Variants in SELENOO observed in about 807,000 individuals in gnomAD.
SELENOO encodes the protein selenoprotein O.
Under a neutral mutation model 58.7 loss-of-function variants are expected in SELENOO, and 74 were observed. The ratio of observed to expected loss-of-function variants is 1.26; its 90% confidence interval spans 1.04 to 1.53. SELENOO has a LOEUF of 1.53. Ranked by LOEUF, SELENOO falls within the 40% of genes most tolerant of loss-of-function variation. The pLI is 0.00. For synonymous variants in SELENOO, 543 were observed against 453.2 expected (o/e 1.20, Z -2.52); for missense variants, 1,149 against 970.0 (o/e 1.18, Z -2.45).
chr22:50,215,695 C>T (rs779462894), intron 5 of SELENOO, 22 bp from the exon 6 acceptor site: 8 of 1,572,048 alleles, frequency 5.1e-6, no homozygotes, highest in Non-Finnish European at 6.1e-6. Context: ...GCTTCCAGCT[C>T]CCTGAGCAGC....
chr22:50,217,504 G>C lies in SELENOO; in HGVS notation c.*135G>C, dbSNP rs552589056. 16 of 1,183,742 alleles carry C rather than the reference G, an allele frequency of 1.4e-5. No homozygotes were observed. The highest frequency in any genetic ancestry group is 1.8e-5 in the Non-Finnish European group (15 of 844,324). 73.3% of individuals were successfully genotyped at this position (1,183,742 alleles called of 1,614,324 possible). A position where few individuals can be genotyped will look rare whatever the true frequency, so the allele number is the denominator to read the frequency against. ...CATGCACACCCGTCTTTCCATGATGGCAGAGACATCCAGTCAGGACCTGAC... is the reference window on the plus strand; with the variant it reads ...CATGCACACCCGTCTTTCCATGATGCCAGAGACATCCAGTCAGGACCTGAC... On this transcript the variant is annotated 3_prime_UTR_variant, in exon 9 of 9. Transcript: ENST00000380903.
intron 5 of SELENOO, among the ~76,000 whole-genome samples, chr22:50,215,389 A>G (rs926909603): frequency 2.0e-5 from 3 of 151,336 alleles, no homozygotes; most frequent in Non-Finnish European, 4.4e-5. Flanking sequence ...CAGGAGTCCC[A>G]GGACCAATGC....
At chr22:50,210,421 AGGGGGCT>A in intron 4 of SELENOO, 110 bp downstream of exon 4, 1 of 1,449,872 alleles carries the variant, frequency 6.9e-7, no homozygotes, top group African/African-American at 1.4e-5. Context: ...GGGGGAGCCG[AGGGGGCT>A]GGGGGCTGAT....
At chr22:50,216,602 TGA>T (rs888249787) in intron 6 of SELENOO, 87 bp from the exon 7 acceptor site, 125 of 1,271,188 alleles carry the variant, frequency 9.8e-5, no homozygotes, top group Middle Eastern at 5.3e-4. Context: ...AGGTGAGCCG[TGA>T]GAGCGGGCTG....
In SELENOO at chr22:50,206,460, A is replaced by G; in HGVS notation, c.698A>G (p.Asp233Gly). ...ESTVVRDVFYDGNPKYEQCTV... is the reference protein window; with the variant it reads ...ESTVVRDVFYGGNPKYEQCTV... ...ACGGTGGTGCGCGACGTGTTCTATG[A>G]TGGTAATCCCAAATATGAACAATGC... Residue 233 changes from aspartate (D) to glycine (G), a missense_variant, in exon 2 of 9, where the codon GAT becomes GGT. Transcript: ENST00000380903. 1 of 1,614,160 alleles carries G rather than the reference A, an allele frequency of 6.2e-7. No individual in the cohort carries two copies.
At chr22:50,208,856 G>T (rs746137165) in intron 3 of SELENOO, 140 bp downstream of exon 3, 5 of 781,632 alleles carry the variant, frequency 6.4e-6, no homozygotes, top group Non-Finnish European at 1.0e-5. Flanking sequence ...GCTCCTGTCC[G>T]CAAACCCCAT....
chr22:50,210,667 C>T lies in SELENOO; in HGVS notation c.1107C>T (p.Asn369=), dbSNP rs1406349630. 4 of 1,613,072 alleles carry T rather than the reference C, an allele frequency of 2.5e-6. No homozygotes were observed. The highest frequency in any genetic ancestry group is 1.7e-5 in the Admixed American group (1 of 60,024). Residue 369 remains asparagine (N), a synonymous_variant, in exon 5 of 9, where the codon AAC becomes AAT. Coordinates refer to ENST00000380903, the MANE Select transcript of SELENOO (RefSeq NM_031454.2). The part of the protein sequence containing the change: ...DPDHVCNASD[N]TGRYAYSKQP... ...ACCACGTGTGCAATGCCTCCGACAA[C>T]ACCGGCCGCTACGCGTACAGCAAGC...
chr22:50,210,084 C>G (rs1025323665), intron 3 of SELENOO, 97 bp from the exon 4 acceptor site: 4 of 1,454,096 alleles, frequency 2.8e-6, no homozygotes, highest in Non-Finnish European at 3.7e-6. Context: ...AGCCACTCAG[C>G]GAAGCACAGC....
intron 4 of SELENOO, 73 bp downstream of exon 4, chr22:50,210,384 C>G: frequency 6.4e-7 from 1 of 1,555,642 alleles, no homozygotes; most frequent in Non-Finnish European, 8.7e-7. Context: ...AACCTGCTGC[C>G]CCCAGGCACT....
At chr22:50,216,148 G>A (rs79019062) in intron 6 of SELENOO, among the ~76,000 whole-genome samples, 2,716 of 152,276 alleles carry the variant, frequency 0.018, 75 homozygotes, top group East Asian at 0.12. Flanking sequence ...AGGGAGAATG[G>A]GCTCCCAGAG....
chr22:50,201,267 G>T lies in SELENOO; in HGVS notation c.231G>T (p.Val77=). 2.8e-6 allele frequency: 3 copies of T among 1,070,874 alleles called. No homozygotes were observed. The highest frequency in any genetic ancestry group is 3.4e-6 in the Non-Finnish European group (3 of 888,704). 66.3% of individuals were successfully genotyped at this position (1,070,874 alleles called of 1,614,324 possible). ...PEGAPSAPRP[V]PGACFTRVQP... ...GCGCCCCGTCCGCGCCGCGGCCCGT[G>T]CCCGGGGCCTGCTTCACCCGCGTGC... is the stretch of plus-strand genomic sequence containing the variant. The change falls in exon 1 of 9, where the codon GTG becomes GTT. Residue 77 remains valine (V), a synonymous_variant. Transcript: ENST00000380903.
chr22:50,217,216 G>A lies in SELENOO; in HGVS notation c.1857G>A (p.Val619=). Residue 619 remains valine, a synonymous_variant, in exon 9 of 9, where the codon GTG becomes GTA. Transcript: ENST00000380903. ...TCCTGATCCTCCAGGTGCGGCGGGT[G>A]CTGAAACTACTGGAGACCCCTTACC... The part of the protein sequence containing the change: ...ERGDFSEVRR[V]LKLLETPYHC... 6.2e-7 allele frequency: 1 copy of A among 1,611,292 alleles called. No homozygotes were observed. The highest frequency in any genetic ancestry group is 8.5e-7 in the Non-Finnish European group (1 of 1,179,076).
chr22:50,217,415 T>A lies in SELENOO; in HGVS notation c.*46T>A. On this transcript the variant is annotated 3_prime_UTR_variant, in exon 9 of 9. Transcript: ENST00000380903. ...CCCCTGGAGTCTCCCGAGGCCCCCATGTGCTGCTGAGTGGCCAAGATGATG... is the reference window on the plus strand; with the variant it reads ...CCCCTGGAGTCTCCCGAGGCCCCCAAGTGCTGCTGAGTGGCCAAGATGATG... 6.3e-7 allele frequency: 1 copy of A among 1,597,722 alleles called. No homozygotes were observed. The highest frequency in any genetic ancestry group is 8.5e-7 in the Non-Finnish European group (1 of 1,174,514).
At position 50,201,069 on chromosome 22, in the gene SELENOO, G is replaced by A. The variant is rs971692350; in HGVS notation, c.33G>A (p.Ser11=). The A allele has an allele frequency of 3.7e-6, 5 of 1,360,106 alleles. No homozygotes were observed. Among genetic ancestry groups the A allele is most frequent in the Non-Finnish European group, 4.7e-6 (5 of 1,056,732 alleles). The allele number at this position is 1,360,106 out of a possible 1,614,324, so 84.3% of individuals were successfully genotyped here. The change falls in exon 1 of 9, where the codon TCG becomes TCA. Residue 11 remains serine, a synonymous_variant. Coordinates refer to ENST00000380903, the MANE Select transcript of SELENOO (RefSeq NM_031454.2). Reference sequence around the variant, plus strand: ...TATACAGGGCAGCGCTCGGGGCTTCGCTCGCGGCTGCCCGACTCTTGCCCC... The same window carrying A: ...TATACAGGGCAGCGCTCGGGGCTTCACTCGCGGCTGCCCGACTCTTGCCCC... MAVYRAALGA[S]LAAARLLPLG...
At chr22:50,212,439 A>G (rs2064377067) in intron 5 of SELENOO, among the ~76,000 whole-genome samples, 1 of 152,152 alleles carries the variant, frequency 6.6e-6, no homozygotes, top group Admixed American at 6.6e-5. Flanking sequence ...AATTGTTCGT[A>G]GCAGTTTTTT....
chr22:50,217,294 G>A lies in SELENOO; in HGVS notation c.1935G>A (p.Ala645=), dbSNP rs148419153. 1,299 of 1,612,704 alleles carry A rather than the reference G, an allele frequency of 8.1e-4. 9 individuals carry two copies. The African/African-American group carries it at 0.015, about 18-fold the overall frequency. Residue 645 remains alanine, a synonymous_variant, in exon 9 of 9, where the codon GCG becomes GCA. Transcript: ENST00000380903. ...CCGAGGCCACGGAAGCCGACGGGGC[G>A]GACGGCAGGCAGCGCTCCTACAGCA... The part of the protein sequence containing the change: ...TDAEATEADG[A]DGRQRSYSSK...
chr22:50,215,992 G>A (rs1481230696), intron 6 of SELENOO, 125 bp downstream of exon 6: 7 of 798,548 alleles, frequency 8.8e-6, no homozygotes, highest in Non-Finnish European at 1.4e-5. Context: ...CCGCTCCCAG[G>A]GACAGATTCA....
chr22:50,206,722 T>C (rs1411505427), intron 2 of SELENOO, among the ~76,000 whole-genome samples: 1 of 152,164 alleles, frequency 6.6e-6, no homozygotes, highest in African/African-American at 2.4e-5. Context: ...GGGATCTGAG[T>C]GCAAAGGCAT....
intron 4 of SELENOO, 80 bp downstream of exon 4, chr22:50,210,391 C>T (rs2147162966): frequency 1.3e-6 from 2 of 1,540,988 alleles, no homozygotes; most frequent in African/African-American, 2.8e-5. Context: ...TGCCCCCAGG[C>T]ACTGGCCCGT....
Sources: gnomAD v4.1 joint callset for allele counts (sites outside exome capture counted in the v4.1 genomes callset) on GRCh38, gnomAD v4.1.1 for gene constraint, MANE v1.5 for transcripts, NCBI Gene and HGNC (gene_info 2026-07-23, HGNC 2026-07-21) for gene names.